Variants in ULK2 observed in about 807,000 individuals in gnomAD.
ULK2 encodes the protein unc-51 like autophagy activating kinase 2.
Under a neutral mutation model 127.5 loss-of-function variants are expected in ULK2, and 76 were observed. The observed-to-expected ratio is 0.60, with a 90% confidence interval of 0.50 to 0.72. The LOEUF is 0.72. Ranked by LOEUF, ULK2 falls within the 30% of genes least tolerant of loss-of-function variation. The pLI is 0.00. For synonymous variants in ULK2, 452 were observed against 461.9 expected, an observed-to-expected ratio of 0.98 and a Z score of 0.28; for missense variants, 1,144 against 1,295.9, an observed-to-expected ratio of 0.88 and a Z score of 1.80.
chr17:19,797,665 C>T lies in ULK2; in HGVS notation c.1540G>A (p.Ala514Thr), dbSNP rs1379428739. ...RNSSGSPVPQAQSPQSLLSGA... is the reference protein window; with the variant it reads ...RNSSGSPVPQTQSPQSLLSGA... ...GATAAGAGAGACTGTGGGGACTGAG[C>T]TTGTGGCACTGGAGAACCTAACAAG... Residue 514 changes from alanine (A) to threonine (T), a missense_variant, in exon 18 of 27, where the codon GCT (alanine) becomes ACT (threonine). Physicochemically the swap from Ala to Thr is moderately conservative, Grantham distance 58 (BLOSUM62 0). Around this residue, in one of 2 missense-constraint regions of ULK2, gnomAD observed 913 missense variants for 970.5 expected, o/e 0.94. Transcript: ENST00000395544. The T allele has an allele frequency of 6.5e-7, 1 of 1,534,704 alleles. No homozygotes were observed. The highest frequency in any genetic ancestry group is 8.8e-7 in the Non-Finnish European group (1 of 1,139,388).
intron 25 of ULK2, among the ~76,000 whole-genome samples, chr17:19,779,864 T>C (rs2086882980): frequency 6.6e-6 from 1 of 152,138 alleles, no homozygotes; most frequent in Non-Finnish European, 1.5e-5. Flanking sequence ...CTAATGCTTT[T>C]AGATGCACAC....
intron 10 of ULK2, among the ~76,000 whole-genome samples, chr17:19,838,023 C>T: frequency 6.6e-6 from 1 of 152,192 alleles, no homozygotes; most frequent in East Asian, 1.9e-4. Flanking sequence ...TACAGGCATG[C>T]TCCCAGCCCT....
intron 3 of ULK2, among the ~76,000 whole-genome samples, chr17:19,864,190 G>T (rs1433564838): frequency 2.0e-5 from 3 of 152,156 alleles, no homozygotes; most frequent in African/African-American, 7.2e-5. Flanking sequence ...TATTTAGGCG[G>T]GGCGCAGTGG....
rs1450060271 is a variant in ULK2, at chr17:19,849,448, T to C, written c.259-43A>G. ...AAGTAATGAAAATAAGGACAGTGATTCAAGATTAATTCAATCCATTCTCAA... is the reference window on the plus strand; with the variant it reads ...AAGTAATGAAAATAAGGACAGTGATCCAAGATTAATTCAATCCATTCTCAA... On this transcript the variant is annotated intron_variant, in intron 4 of 26. Transcript: ENST00000395544. 1.1e-5 allele frequency: 17 copies of C among 1,538,534 alleles called. No homozygotes were observed. In the South Asian group the frequency reaches 1.8e-4, roughly 17 times the overall value.
rs2042374369 is a variant in ULK2 at position 19,867,319 on chromosome 17, G to A, written c.90+9C>T. The A allele has an allele frequency of 1.3e-6, 2 of 1,574,942 alleles. No individual in the cohort carries two copies. Among genetic ancestry groups the A allele is most frequent in the African/African-American group, 1.4e-5 (1 of 71,650 alleles). On this transcript the variant is annotated intron_variant, in intron 1 of 26. Transcript: ENST00000395544. ...CCCGGGGCCCGGCCTCGCCCCGGCCGGCGCTCACCTGGCGGTGCCGCCCCC... is the reference window on the plus strand; with the variant it reads ...CCCGGGGCCCGGCCTCGCCCCGGCCAGCGCTCACCTGGCGGTGCCGCCCCC...
intron 3 of ULK2, among the ~76,000 whole-genome samples, chr17:19,851,037 G>C (rs1284634135): frequency 1.3e-5 from 2 of 151,750 alleles, no homozygotes; most frequent in African/African-American, 4.8e-5. Context: ...AAATGGCCGG[G>C]TACAGTGGCT....
chr17:19,832,840 C>T (rs1020084970), intron 10 of ULK2, among the ~76,000 whole-genome samples: 5 of 152,092 alleles, frequency 3.3e-5, no homozygotes, highest in Non-Finnish European at 5.9e-5. Flanking sequence ...TAGAACAATC[C>T]GACCAGGCAT....
chr17:19,786,201 TCCCTC>T, intron 20 of ULK2, 115 bp from the exon 21 acceptor site: 3 of 899,428 alleles, frequency 3.3e-6, no homozygotes, highest in Non-Finnish European at 4.8e-6. Context: ...TTTTTTTTTT[TCCCTC>T]TTCTTACAAA....
At position 19,846,836 on chromosome 17, in the gene ULK2, T is replaced by C; in HGVS notation, c.370A>G (p.Ser124Gly). The change falls in exon 6 of 27, where the codon AGC becomes GGC. Residue 124 changes from serine to glycine, a missense_variant. By Grantham distance (56) the Ser-to-Gly change is moderately conservative. Around this residue, in one of 2 missense-constraint regions of ULK2, gnomAD observed 231 missense variants for 325.4 expected, o/e 0.71. Transcript: ENST00000395544. ...AGATCTCTGTGGATGATTCCTTTGC[T>C]GTGCAGGATTCGCATGGCAGCAGCA... is the stretch of plus-strand genomic sequence containing the variant. ...QIAAAMRILH[S>G]KGIIHRDLKP... 1 of 1,614,062 alleles carries C rather than the reference T, an allele frequency of 6.2e-7. No individual in the cohort carries two copies. Among genetic ancestry groups the C allele is most frequent in the South Asian group, 1.1e-5 (1 of 91,042 alleles).
chr17:19,837,561 C>CCAA (rs1567714193), intron 10 of ULK2, among the ~76,000 whole-genome samples: 1 of 152,178 alleles, frequency 6.6e-6, no homozygotes, highest in African/African-American at 2.4e-5. Context: ...TTTAACATGT[C>CCAA]CAACAGAAAC....
At chr17:19,858,454 T>C (rs2042176658) in intron 3 of ULK2, among the ~76,000 whole-genome samples, 1 of 152,058 alleles carries the variant, frequency 6.6e-6, no homozygotes, top group Non-Finnish European at 1.5e-5. Flanking sequence ...TCTTCCCTAA[T>C]ATCCTGTAAG....
At chr17:19,791,844 CAAAAAAA>C (rs58434256) in intron 20 of ULK2, among the ~76,000 whole-genome samples, 1,784 of 48,222 alleles carry the variant, frequency 0.037, 6 homozygotes, top group Middle Eastern at 0.089. Flanking sequence ...ACCCTGTTTA[CAAAAAAA>C]AAAAAAAAAA....
intron 15 of ULK2, among the ~76,000 whole-genome samples, chr17:19,803,337 A>G (rs1284692790): frequency 6.6e-6 from 1 of 152,190 alleles, no homozygotes; most frequent in African/African-American, 2.4e-5. Flanking sequence ...CTCATTAAGG[A>G]CATTCTTTTG....
chr17:19,777,685 T>C lies in ULK2; in HGVS notation c.2948A>G (p.Gln983Arg), dbSNP rs1407054919. Residue 983 changes from glutamine to arginine, a missense_variant, in exon 26 of 27, where the codon CAG (glutamine) becomes CGG (arginine). This residue lies in a region of ULK2 where 913 missense variants were observed against 970.5 expected (regional missense o/e 0.94). Coordinates refer to ENST00000395544, the MANE Select transcript of ULK2 (RefSeq NM_014683.4). The part of the protein sequence containing the change: ...VQSAALDEMF[Q>R]QTEDIVYRYH... ...GCGATAAACAATATCTTCGGTCTGC[T>C]GAAACATCTCATCCAGGGCTGCAGA... The C allele has an allele frequency of 6.2e-7, 1 of 1,613,968 alleles. No homozygotes were observed. Among genetic ancestry groups the C allele is most frequent in the Non-Finnish European group, 8.5e-7 (1 of 1,179,956 alleles).
At chr17:19,862,467 ATTT>A (rs958193201) in intron 3 of ULK2, among the ~76,000 whole-genome samples, 1 of 144,334 alleles carries the variant, frequency 6.9e-6, no homozygotes, top group Non-Finnish European at 1.5e-5. Context: ...AAAAATGACA[ATTT>A]TTTTTTTTTG....
chr17:19,849,768 G>A lies in ULK2; in HGVS notation c.232C>T (p.Pro78Ser). ...IVALYDVQEL[P>S]NSVFLVMEYC... Reference sequence around the variant, plus strand: ...TCCATCACCAAAAAGACAGAGTTGGGTAATTCCTGAAAAGTAAACATATTA... The same window carrying A: ...TCCATCACCAAAAAGACAGAGTTGGATAATTCCTGAAAAGTAAACATATTA... Residue 78 changes from proline to serine, a missense_variant, in exon 4 of 27, where the codon CCC becomes TCC. By Grantham distance (74) the Pro-to-Ser change is moderately conservative (BLOSUM62 -1). Coordinates refer to ENST00000395544, the MANE Select transcript of ULK2 (RefSeq NM_014683.4). 1.3e-6 allele frequency: 2 copies of A among 1,541,882 alleles called. No individual in the cohort carries two copies. Among genetic ancestry groups the A allele is most frequent in the Non-Finnish European group, 1.8e-6 (2 of 1,138,936 alleles).
At chr17:19,780,188 GA>G (rs1004233564) in intron 25 of ULK2, among the ~76,000 whole-genome samples, 70 of 141,820 alleles carry the variant, frequency 4.9e-4, no homozygotes, top group African/African-American at 1.4e-3. Flanking sequence ...AAAAAAAAAA[GA>G]AAAAAAAAAG....
At chr17:19,790,093 T>A (rs1359523529) in intron 20 of ULK2, among the ~76,000 whole-genome samples, 1 of 152,156 alleles carries the variant, frequency 6.6e-6, no homozygotes. Flanking sequence ...TTATTGCTTG[T>A]TTATGCAATC....
intron 16 of ULK2, among the ~76,000 whole-genome samples, chr17:19,800,200 C>T (rs754575396): frequency 2.6e-5 from 4 of 152,202 alleles, no homozygotes; most frequent in Non-Finnish European, 5.9e-5. Context: ...AGGGCCCTCC[C>T]TGCTTCCTCC....
Sources: gnomAD v4.1 joint callset for allele counts (sites outside exome capture counted in the v4.1 genomes callset) on GRCh38, gnomAD v4.1.1 for gene constraint, gnomAD v4.1.1 regional missense constraint, MANE v1.5 for transcripts, NCBI Gene and HGNC (gene_info 2026-07-23, HGNC 2026-07-21) for gene names.